CTBP2: variants seen among roughly 807,000 people sequenced by gnomAD.
The protein encoded by CTBP2 is C-terminal binding protein 2.
In CTBP2, 30 loss-of-function variants were observed where a neutral mutation model predicts 80.3. The ratio of observed to expected loss-of-function variants is 0.37; its 90% CI spans 0.28 to 0.51. The LOEUF is 0.51. Among genes scored for constraint, CTBP2 ranks in the 20% least tolerant of loss-of-function variants. CTBP2 has a pLI of 0.93. For synonymous variants in CTBP2, 594 were observed against 587.4 expected (o/e 1.01, Z -0.16); for missense variants, 1,212 against 1,375.3 (o/e 0.88, Z 1.88).
At chr10:125,082,583 T>C (rs1847333777) in intron 2 of CTBP2, among the ~76,000 whole-genome samples, 1 of 143,816 alleles carries the variant, frequency 7.0e-6, no homozygotes, top group Non-Finnish European at 1.5e-5. Context: ...TTCTGCCAGC[T>C]TTCCTCTTTT....
rs1199169470 is a variant in CTBP2 at position 124,987,909 on chromosome 10, A to ACT, written c.*1607_*1608dup. Reference sequence around the variant, plus strand: ...GAAGATCCATTAAATCAAGCTCTTAACTCATGGGACTATTTGCAACACTTC... The same window carrying ACT: ...GAAGATCCATTAAATCAAGCTCTTAACTCTCATGGGACTATTTGCAACACTTC... On this transcript the variant is annotated 3_prime_UTR_variant, in exon 9 of 9. Transcript: ENST00000309035. The ACT allele has an allele frequency of 3.3e-5, 5 of 152,366 alleles. No homozygotes were observed. Among genetic ancestry groups the ACT allele is most frequent in the Non-Finnish European group, 7.3e-5 (5 of 68,028 alleles). The allele number at this position is 152,366 out of a possible 1,614,324, so 9.4% of individuals were successfully genotyped here. A position where few individuals can be genotyped will look rare whatever the true frequency, so the allele number is the denominator to read the frequency against.
chr10:125,109,777 G>C (rs890587433), intron 2 of CTBP2, among the ~76,000 whole-genome samples: 1 of 152,258 alleles, frequency 6.6e-6, no homozygotes, highest in African/African-American at 2.4e-5. Flanking sequence ...AGGGTGGGGA[G>C]GGTCCTGGGT....
intron 2 of CTBP2, among the ~76,000 whole-genome samples, chr10:125,078,391 A>G (rs1227244027): frequency 2.6e-5 from 4 of 152,172 alleles, no homozygotes; most frequent in Non-Finnish European, 5.9e-5. Context: ...AGGTCCAAGA[A>G]GATTATTTTT....
At chr10:125,060,875 G>T (rs913231852) in intron 2 of CTBP2, among the ~76,000 whole-genome samples, 2 of 152,188 alleles carry the variant, frequency 1.3e-5, no homozygotes, top group Non-Finnish European at 1.5e-5. Context: ...CTTGACCCGC[G>T]GGGGCTGGTG....
At chr10:125,096,798 A>G (rs1330762130) in intron 2 of CTBP2, among the ~76,000 whole-genome samples, 1 of 150,932 alleles carries the variant, frequency 6.6e-6, no homozygotes. Flanking sequence ...TGGGGGGGAG[A>G]TGTCTGATAT....
chr10:125,060,463 C>CGTGTGT lies in CTBP2; in HGVS notation c.-101-21314_-101-21309dup, dbSNP rs56032803. Among the ~76,000 whole-genome samples, 822 of 147,962 alleles carry CGTGTGT rather than the reference C, an allele frequency of 5.6e-3. 6 individuals carry two copies. Among genetic ancestry groups the CGTGTGT allele is most frequent in the South Asian group, 0.03 (139 of 4,592 alleles). Reference sequence around the variant, plus strand: ...TGGTCATGATATTCCATTCCCCCCACGTGTGTGTGTGTGTGTGTGTGTGTG... The same window carrying CGTGTGT: ...TGGTCATGATATTCCATTCCCCCCACGTGTGTGTGTGTGTGTGTGTGTGTGTGTGTG... On this transcript the variant is annotated intron_variant, in intron 2 of 10. Coordinates refer to the CTBP2 transcript ENST00000337195.
At chr10:125,078,813 T>C (rs1212709392) in intron 2 of CTBP2, among the ~76,000 whole-genome samples, 1 of 152,080 alleles carries the variant, frequency 6.6e-6, no homozygotes, top group African/African-American at 2.4e-5. Context: ...TTTCCTACCA[T>C]TCATTACAAA....
chr10:125,030,146 CCA>C (rs3068310), upstream of CTBP2, among the ~76,000 whole-genome samples: 134,289 of 150,148 alleles, frequency 0.89, 60,515 homozygotes, highest in East Asian at 0.97. Flanking sequence ...TACACAAACA[CCA>C]CACACACACA....
intron 1 of CTBP2, among the ~76,000 whole-genome samples, chr10:125,158,060 T>C (rs1190692897): frequency 6.6e-6 from 1 of 152,222 alleles, no homozygotes; most frequent in Non-Finnish European, 1.5e-5. Flanking sequence ...TTTTGACTAT[T>C]ACTTTATAAT....
chr10:125,154,112 CAAG>C (rs780109605), intron 1 of CTBP2, among the ~76,000 whole-genome samples: 8 of 152,214 alleles, frequency 5.3e-5, no homozygotes, highest in Non-Finnish European at 1.0e-4. Context: ...TGTTTTAATG[CAAG>C]AAGCACATTT....
chr10:125,026,190 G>T lies in CTBP2; in HGVS notation c.1570C>A (p.Leu524Met). ...TGGAGGCTCTGGCTGGCCGGCGGCA[G>T]GGTGGATGGCCCCAGGGGTGCACCT... The change falls in exon 1 of 9, where the codon CTG (leucine) becomes ATG (methionine). Residue 524 changes from leucine to methionine, a missense_variant. Around this residue, in one of 3 missense-constraint regions of CTBP2, gnomAD observed 848 missense variants for 782.3 expected, o/e 1.08. Transcript: ENST00000309035. The T allele has an allele frequency of 6.2e-7, 1 of 1,612,552 alleles. No individual in the cohort carries two copies. Among genetic ancestry groups the T allele is most frequent in the Non-Finnish European group, 8.5e-7 (1 of 1,179,104 alleles).
chr10:125,021,942 G>A (rs943991583), intron 1 of CTBP2, among the ~76,000 whole-genome samples: 1 of 152,236 alleles, frequency 6.6e-6, no homozygotes, highest in African/African-American at 2.4e-5. Context: ...GCTCTACCAG[G>A]CTGGGGTAGG....
chr10:125,061,495 C>T (rs996077370), intron 2 of CTBP2, among the ~76,000 whole-genome samples: 2 of 152,218 alleles, frequency 1.3e-5, no homozygotes, highest in Admixed American at 1.3e-4. Flanking sequence ...ACCTCCCTCA[C>T]CTCTCCTCCT....
chr10:125,084,951 G>C (rs1408365199), intron 2 of CTBP2, among the ~76,000 whole-genome samples: 4 of 152,218 alleles, frequency 2.6e-5, no homozygotes, highest in Non-Finnish European at 5.9e-5. Context: ...ATGTGTGCCT[G>C]CCCTTGAACA....
At position 125,026,110 on chromosome 10, in the gene CTBP2, G is replaced by T. The variant is rs751392856; in HGVS notation, c.1650C>A (p.Ile550=). The change falls in exon 1 of 9, where the codon ATC becomes ATA. Residue 550 remains isoleucine, a synonymous_variant. Coordinates refer to ENST00000309035, the MANE Select transcript of CTBP2 (RefSeq NM_022802.3). The stretch of plus-strand genomic sequence containing the variant: ...GTTCTGGTGCAAGCATGGTGGACAC[G>T]ATGATGGGTGCCCCTGTGCGCCGGG... The T allele has an allele frequency of 6.3e-7, 1 of 1,581,548 alleles. No homozygotes were observed. The highest frequency in any genetic ancestry group is 1.7e-5 in the Admixed American group (1 of 58,480).
chr10:125,072,634 G>GAAAAAAAAAAAAAAAAAAAAAAAAAAAAA (rs55742060), intron 2 of CTBP2, among the ~76,000 whole-genome samples: 5 of 100,140 alleles, frequency 5.0e-5, no homozygotes, highest in African/African-American at 7.9e-5. Flanking sequence ...AAAAAGAAAA[G>GAAAAAAAAAAAAAAAAAAAAAAAAAAAAA]AAAAAAAAAA....
At chr10:125,095,649 C>T (rs1050540879) in intron 2 of CTBP2, among the ~76,000 whole-genome samples, 2 of 152,180 alleles carry the variant, frequency 1.3e-5, no homozygotes, top group African/African-American at 4.8e-5. Flanking sequence ...ATACACCCCA[C>T]GTCTGGGTGG....
intron 8 of CTBP2, among the ~76,000 whole-genome samples, chr10:124,990,220 T>C (rs1475121059): frequency 6.6e-6 from 1 of 152,110 alleles, no homozygotes; most frequent in East Asian, 1.9e-4. Flanking sequence ...AATTTTTATA[T>C]TTTTAGTAGA....
rs776653817 is a variant in CTBP2, at chr10:124,984,480, T to C, written c.*5038A>G. On this transcript the variant is annotated 3_prime_UTR_variant, in exon 9 of 9. Coordinates refer to ENST00000309035, the MANE Select transcript of CTBP2 (RefSeq NM_022802.3). The stretch of plus-strand genomic sequence containing the variant: ...TTGTCATGTGTTTGAAGCTGTGGCT[T>C]GCCAGGATCAGTTTATTAGGACATT... 4.0e-4 allele frequency: 131 copies of C among 326,156 alleles called. No homozygotes were observed. The highest frequency in any genetic ancestry group is 6.2e-4 in the Non-Finnish European group (112 of 179,574). The allele number at this position is 326,156 out of a possible 1,614,324, so 20.2% of individuals were successfully genotyped here.
Sources: allele counts gnomAD v4.1 joint callset (sites outside exome capture counted in the v4.1 genomes callset), GRCh38; gene constraint gnomAD v4.1.1; regional missense constraint gnomAD v4.1.1; transcripts MANE v1.5; gene names NCBI Gene and HGNC (gene_info 2026-07-23, HGNC 2026-07-21).